MAP1A: variants seen among roughly 807,000 people sequenced by gnomAD.
The protein encoded by MAP1A is microtubule associated protein 1A.
Under a neutral mutation model 185.9 loss-of-function variants are expected in MAP1A, and 42 were observed. That is an observed-to-expected ratio of 0.23 (90% CI 0.18 to 0.29). MAP1A has a LOEUF of 0.29. Ranked by LOEUF, MAP1A falls within the 10% of genes least tolerant of loss-of-function variation. The pLI, the probability that MAP1A is intolerant of heterozygous loss-of-function variation, is 1.00. For synonymous variants in MAP1A, 1,229 were observed against 1,335.9 expected (o/e 0.92, Z 1.74); for missense variants, 2,995 against 3,450.4 (o/e 0.87, Z 3.31).
chr15:43,528,688 A>C lies in MAP1A; in HGVS notation c.7215A>C (p.Thr2405=). ...EGAERSSRPD[T]LLSPEQPVCP... is the part of the protein sequence containing the mutation. ...CTGAGAGGAGCTCCCGGCCTGACAC[A>C]TTGCTCTCCCCTGAGCAGCCAGTGT... Residue 2405 remains threonine (T), a synonymous_variant, in exon 4 of 6, where the codon ACA becomes ACC. Transcript: ENST00000300231. 6.2e-7 allele frequency: 1 copy of C among 1,613,726 alleles called. No individual in the cohort carries two copies. The highest frequency in any genetic ancestry group is 8.5e-7 in the Non-Finnish European group (1 of 1,179,978).
At position 43,522,560 on chromosome 15, in the gene MAP1A, G is replaced by C. The variant is rs369637650; in HGVS notation, c.1087G>C (p.Ala363Pro). Reference protein sequence around the residue: ...AKELAKTEKKAKESSEKPPEK... With the variant: ...AKELAKTEKKPKESSEKPPEK... Reference sequence around the variant, plus strand: ...GGAGTTAGCCAAGACAGAGAAGAAGGCAAAAGAGTCATCTGAGAAGCCCCC... The same window carrying C: ...GGAGTTAGCCAAGACAGAGAAGAAGCCAAAAGAGTCATCTGAGAAGCCCCC... The change falls in exon 4 of 6, where the codon GCA (alanine) becomes CCA (proline). Residue 363 changes from alanine (A) to proline (P), a missense_variant. By Grantham distance (27) the Ala-to-Pro change is conservative. Around this residue, in one of 3 missense-constraint regions of MAP1A, gnomAD observed 2,728 missense variants for 2,986.0 expected, o/e 0.91. Coordinates refer to ENST00000300231, the MANE Select transcript of MAP1A (RefSeq NM_002373.6). This position sits in a 1 kb window ranked among gnomAD's most constrained non-coding sequence, Gnocchi z 5.9. 3 of 1,610,998 alleles carry C rather than the reference G, an allele frequency of 1.9e-6. No individual in the cohort carries two copies. Among genetic ancestry groups the C allele is most frequent in the Non-Finnish European group, 2.5e-6 (3 of 1,178,406 alleles).
In MAP1A at chr15:43,528,451, A is replaced by ATCCCTACTCAT; in HGVS notation, c.6978_6979insTCCCTACTCAT (p.Asp2327SerfsTer131). The ATCCCTACTCAT allele has an allele frequency of 6.2e-7, 1 of 1,613,480 alleles. No homozygotes were observed. Among genetic ancestry groups the ATCCCTACTCAT allele is most frequent in the Non-Finnish European group, 8.5e-7 (1 of 1,180,018 alleles). ...TAGCTCCAGCTCCAAGCCTGCCTGG[A>ATCCCTACTCAT]GACATGGGTGATGGCATCCTGCCGT... On this transcript the variant is annotated frameshift_variant, in exon 4 of 6. Transcript: ENST00000300231. LOFTEE classifies it high-confidence loss of function.
At chr15:43,513,659 C>A (rs2079289541), upstream of MAP1A, among the ~76,000 whole-genome samples, 1 of 152,172 alleles carries the variant, frequency 6.6e-6, no homozygotes, top group African/African-American at 2.4e-5. Context: ...ATATATACAG[C>A]AATTTTATAT....
chr15:43,524,798 A>G lies in MAP1A; in HGVS notation c.3325A>G (p.Thr1109Ala), dbSNP rs1324345445. 1 of 1,614,194 alleles carries G rather than the reference A, an allele frequency of 6.2e-7. No homozygotes were observed. The highest frequency in any genetic ancestry group is 8.5e-7 in the Non-Finnish European group (1 of 1,180,026). The change falls in exon 4 of 6, where the codon ACA (threonine) becomes GCA (alanine). Residue 1109 changes from threonine (T) to alanine (A), a missense_variant. Coordinates refer to ENST00000300231, the MANE Select transcript of MAP1A (RefSeq NM_002373.6). ...VFEIMEAGEP[T>A]GPILGAEALP... The stretch of plus-strand genomic sequence containing the variant: ...TGAGATTATGGAGGCAGGAGAGCCC[A>G]CAGGCCCAATTCTGGGAGCAGAAGC...
upstream of MAP1A, among the ~76,000 whole-genome samples, chr15:43,516,271 G>C (rs1566975861): frequency 6.6e-6 from 1 of 152,170 alleles, no homozygotes; most frequent in Admixed American, 6.5e-5. Context: ...ATCTAAGCAA[G>C]GATTGCTCCC....
chr15:43,516,321 C>A (rs531422602), upstream of MAP1A, among the ~76,000 whole-genome samples: 14 of 152,170 alleles, frequency 9.2e-5, no homozygotes, highest in Non-Finnish European at 1.8e-4. Flanking sequence ...AGTGACTCAG[C>A]TCCTCCTCTC....
intron 1 of MAP1A, among the ~76,000 whole-genome samples, chr15:43,518,710 C>T (rs1020251910): frequency 7.5e-6 from 1 of 132,452 alleles, no homozygotes. Context: ...CGCAGCCCAC[C>T]CCCCCCCGCA....
At position 43,522,951 on chromosome 15, in the gene MAP1A, G is replaced by A. The variant is rs201398891; in HGVS notation, c.1478G>A (p.Arg493His). The change falls in exon 4 of 6, where the codon CGT becomes CAT. Residue 493 changes from arginine (R) to histidine (H), a missense_variant. By Grantham distance (29) the Arg-to-His change is conservative. Coordinates refer to ENST00000300231, the MANE Select transcript of MAP1A (RefSeq NM_002373.6). This position sits in a 1 kb window ranked among gnomAD's most constrained non-coding sequence, Gnocchi z 5.9. The part of the protein sequence containing the change: ...RVKIDRSRAI[R>H]GEKELSSEPQ... Reference sequence around the variant, plus strand: ...AAAATAGACAGGAGCCGTGCTATCCGTGGGGAGAAGGAGCTGTCTTCTGAG... The same window carrying A: ...AAAATAGACAGGAGCCGTGCTATCCATGGGGAGAAGGAGCTGTCTTCTGAG... 85 of 1,614,112 alleles carry A rather than the reference G, an allele frequency of 5.3e-5. No individual in the cohort carries two copies. In the Middle Eastern group the frequency reaches 6.6e-4, roughly 13 times the overall value.
rs2079328999 is a variant in MAP1A, at chr15:43,523,519, A to G, written c.2046A>G (p.Gln682=). ...EDATKAEGFY[Q]KHMQEPLKVT... is the part of the protein sequence containing the mutation. ...CGACAAAAGCTGAGGGTTTTTACCA[A>G]AAACATATGCAGGAACCCTTGAAGG... The change falls in exon 4 of 6, where the codon CAA becomes CAG. Residue 682 remains glutamine, a synonymous_variant. Transcript: ENST00000300231. 9 of 1,614,018 alleles carry G rather than the reference A, an allele frequency of 5.6e-6. No individual in the cohort carries two copies. In the South Asian group the frequency reaches 6.6e-5, roughly 12 times the overall value.
chr15:43,512,594 G>A (rs1016919310), intron 2 of MAP1A, among the ~76,000 whole-genome samples: 7 of 152,138 alleles, frequency 4.6e-5, no homozygotes, highest in Admixed American at 2.6e-4. Flanking sequence ...CATCTCTCAC[G>A]CAAAAATTCA....
chr15:43,517,965 C>T (rs2079304459), intron 1 of MAP1A, among the ~76,000 whole-genome samples: 1 of 152,148 alleles, frequency 6.6e-6, no homozygotes, highest in Non-Finnish European at 1.5e-5. Flanking sequence ...GGGACAGCAG[C>T]AGAGGGTGGT....
chr15:43,514,533 C>T (rs146381730), upstream of MAP1A, among the ~76,000 whole-genome samples: 74 of 152,326 alleles, frequency 4.9e-4, 1 homozygote, highest in Non-Finnish European at 9.1e-4. Flanking sequence ...TATCCTCAAG[C>T]CCTGGGCCAA....
chr15:43,511,146 A>G (rs1043066349), exon 1 of MAP1A: 1 of 1,550,418 alleles, frequency 6.4e-7, no homozygotes, highest in African/African-American at 1.4e-5. Flanking sequence ...TGGGACCTGC[A>G]GAAGCACTCT....
intron 1 of MAP1A, 53 bp from the exon 2 acceptor site, chr15:43,520,588 C>T: frequency 3.4e-6 from 4 of 1,176,384 alleles, no homozygotes; most frequent in Non-Finnish European, 4.9e-6. Context: ...TCCTCTCCTG[C>T]ACCACAATTT....
rs373308366 is a variant in MAP1A, at chr15:43,523,637, C to T, written c.2164C>T (p.Leu722=). 1.4e-4 allele frequency: 228 copies of T among 1,613,966 alleles called. No homozygotes were observed. Among genetic ancestry groups the T allele is most frequent in the Admixed American group, 5.0e-5 (3 of 60,002 alleles). The change falls in exon 4 of 6, where the codon CTG becomes TTG. Residue 722 remains leucine, a synonymous_variant. Coordinates refer to ENST00000300231, the MANE Select transcript of MAP1A (RefSeq NM_002373.6). ...GGAGACCTCGTTATTCCTAAGCAGC[C>T]TGACCACACCTGCAGGAGCCACTGA... The part of the protein sequence containing the change: ...EKETSLFLSS[L]TTPAGATEHV...
At position 43,525,052 on chromosome 15, in the gene MAP1A, C is replaced by A. The variant is rs2079336852; in HGVS notation, c.3579C>A (p.Asp1193Glu). The A allele has an allele frequency of 6.2e-7, 1 of 1,614,084 alleles. No individual in the cohort carries two copies. Among genetic ancestry groups the A allele is most frequent in the Admixed American group, 1.7e-5 (1 of 60,008 alleles). ...GTTGGCCAGAGGTATCTCCAGAAGA[C>A]ACCCAGTCACTTTCTCTGTCAGAAG... ...KDRWPEVSPEDTQSLSLSEES... is the reference protein window; with the variant it reads ...KDRWPEVSPEETQSLSLSEES... Residue 1193 changes from aspartate to glutamate, a missense_variant, in exon 4 of 6, where the codon GAC (aspartate) becomes GAA (glutamate). This residue lies in a region of MAP1A where 2,728 missense variants were observed against 2,986.0 expected (regional missense o/e 0.91). Coordinates refer to ENST00000300231, the MANE Select transcript of MAP1A (RefSeq NM_002373.6).
At position 43,529,410 on chromosome 15, in the gene MAP1A, G is replaced by A. The variant is rs866728176; in HGVS notation, c.7937G>A (p.Arg2646Gln). ...GATCGAGCATCCCGGGCCCCACCTC[G>A]ACCACGCAGCACCACAAGCCAGGTC... ...PADRASRAPP[R>Q]PRSTTSQVTP... The change falls in exon 4 of 6, where the codon CGA becomes CAA. Residue 2646 changes from arginine (R) to glutamine (Q), a missense_variant. By Grantham distance (43) the Arg-to-Gln change is conservative. Coordinates refer to ENST00000300231, the MANE Select transcript of MAP1A (RefSeq NM_002373.6). The surrounding 1 kb of genome is among the most constrained non-coding windows in gnomAD (Gnocchi z 4.3). 2.5e-6 allele frequency: 4 copies of A among 1,613,688 alleles called. No individual in the cohort carries two copies. The highest frequency in any genetic ancestry group is 2.7e-5 in the African/African-American group (2 of 74,892).
Position 43,527,743 on chromosome 15 carries a change from C to T in MAP1A, c.6270C>T (p.Ser2090=), listed in dbSNP as rs1355604681. The T allele has an allele frequency of 6.2e-7, 1 of 1,613,622 alleles. No individual in the cohort carries two copies. The highest frequency in any genetic ancestry group is 8.5e-7 in the Non-Finnish European group (1 of 1,179,832). ...TGAGCTGCAGCCCAGATAGGAGGTCCCCATCCCCCAAGGAATCAGGCCGGA... is the reference window on the plus strand; with the variant it reads ...TGAGCTGCAGCCCAGATAGGAGGTCTCCATCCCCCAAGGAATCAGGCCGGA... ...NILSCSPDRR[S]PSPKESGRSH... Residue 2090 remains serine (S), a synonymous_variant, in exon 4 of 6, where the codon TCC becomes TCT. Transcript: ENST00000300231.
In MAP1A at chr15:43,521,873, G is replaced by T; in HGVS notation, c.400G>T (p.Val134Phe). The change falls in exon 4 of 6, where the codon GTT becomes TTT. Residue 134 changes from valine (V) to phenylalanine (F), a missense_variant. Physicochemically the swap from Val to Phe is conservative, Grantham distance 50. This residue lies in a region of MAP1A where 264 missense variants were observed against 435.3 expected (regional missense o/e 0.61). Coordinates refer to ENST00000300231, the MANE Select transcript of MAP1A (RefSeq NM_002373.6). This position sits in a 1 kb window ranked among gnomAD's most constrained non-coding sequence, Gnocchi z 4.6. Reference protein sequence around the residue: ...VKNLISPELGVVFFNVPEKLR... With the variant: ...VKNLISPELGFVFFNVPEKLR... Reference sequence around the variant, plus strand: ...GAACCTTATCTCTCCTGAGCTTGGAGTTGTCTTTTTCAACGTGCCTGAGAA... The same window carrying T: ...GAACCTTATCTCTCCTGAGCTTGGATTTGTCTTTTTCAACGTGCCTGAGAA... 6.2e-7 allele frequency: 1 copy of T among 1,614,188 alleles called. No homozygotes were observed. The highest frequency in any genetic ancestry group is 8.5e-7 in the Non-Finnish European group (1 of 1,180,018).
Sources: gnomAD v4.1 joint callset for allele counts (sites outside exome capture counted in the v4.1 genomes callset) on GRCh38, gnomAD v4.1.1 for gene constraint, gnomAD v4.1.1 regional missense constraint, Gnocchi (gnomAD v3.1) non-coding constraint, MANE v1.5 for transcripts, NCBI Gene and HGNC (gene_info 2026-07-23, HGNC 2026-07-21) for gene names.